KMT2D: variants seen among roughly 807,000 people sequenced by gnomAD.
The protein encoded by KMT2D is histone-lysine N-methyltransferase 2D.
KMT2D carries 55 observed loss-of-function variants against 512.7 expected under a neutral mutation model. That is an observed-to-expected ratio of 0.11 (90% confidence interval 0.09 to 0.13). KMT2D has a LOEUF of 0.13. KMT2D is among the 10% of genes least tolerant of loss of function. KMT2D has a pLI of 1.00. For synonymous variants in KMT2D, 2,995 were observed against 2,904.0 expected, an observed-to-expected ratio of 1.03 and a Z score of -1.01; for missense variants, 6,061 against 7,127.9, an observed-to-expected ratio of 0.85 and a Z score of 5.39.
chr12:49,034,709 A>G (rs1215559071), intron 36 of KMT2D, 43 bp from the exon 37 acceptor site: 7 of 1,606,456 alleles, frequency 4.4e-6, no homozygotes, highest in African/African-American at 1.3e-5. Context: ...TGGCAATAAG[A>G]AAGTTGGAAA....
chr12:49,036,372 C>T (rs551655349), intron 35 of KMT2D, among the ~76,000 whole-genome samples: 3 of 149,242 alleles, frequency 2.0e-5, no homozygotes, highest in Middle Eastern at 3.5e-3. Flanking sequence ...AGTGCAATGG[C>T]GTGATCTCAG....
rs1438792292 is a variant in KMT2D, at chr12:49,052,247, A to C, written c.1436T>G (p.Leu479Arg). 1 of 1,538,862 alleles carries C rather than the reference A, an allele frequency of 6.5e-7. No individual in the cohort carries two copies. Among genetic ancestry groups the C allele is most frequent in the Non-Finnish European group, 8.8e-7 (1 of 1,140,860 alleles). Residue 479 changes from leucine to arginine, a missense_variant, in exon 11 of 55, where the codon CTT (leucine) becomes CGT (arginine). Physicochemically the swap from Leu to Arg is moderately radical, Grantham distance 102. Coordinates refer to ENST00000301067, the MANE Select transcript of KMT2D (RefSeq NM_003482.4). ...PPPEELPASP[L>R]PEALHLSRPL... ...CCGGGACAGGTGCAATGCCTCAGGA[A>C]GTGGGGATGCGGGCAATTCCTCAGG... is the stretch of plus-strand genomic sequence containing the variant.
At position 49,029,117 on chromosome 12, in the gene KMT2D, T is replaced by C. The variant is rs1942756767; in HGVS notation, c.14195A>G (p.Gln4732Arg). ...GACAGGGGAGAGGGCCCGGTCCTCT[T>C]GCTCCCACCGGCCTGAGCCCAGATG... ...FPHLGSGRWE[Q>R]EDRALSPVIP... The change falls in exon 45 of 55, where the codon CAA (glutamine) becomes CGA (arginine). Residue 4732 changes from glutamine to arginine, a missense_variant. Coordinates refer to ENST00000301067, the MANE Select transcript of KMT2D (RefSeq NM_003482.4). The C allele has an allele frequency of 2.5e-6, 4 of 1,612,484 alleles. No homozygotes were observed. The highest frequency in any genetic ancestry group is 2.7e-5 in the African/African-American group (2 of 74,848).
At position 49,019,155 on chromosome 12, in the gene KMT2D, G is replaced by T; in HGVS notation, c.*2625C>A. ...GAGGGAGAGAGGGCGCTTTAAAAAA[G>T]GGAACCATTTCATCCGTTGTTACGA... On this transcript the variant is annotated 3_prime_UTR_variant, in exon 55 of 55. Coordinates refer to ENST00000301067, the MANE Select transcript of KMT2D (RefSeq NM_003482.4). 1 of 1,126,284 alleles carries T rather than the reference G, an allele frequency of 8.9e-7. No homozygotes were observed. The highest frequency in any genetic ancestry group is 1.1e-6 in the Non-Finnish European group (1 of 915,068). The allele number at this position is 1,126,284 out of a possible 1,614,324, so 69.8% of individuals were successfully genotyped here. A position where few individuals can be genotyped will look rare whatever the true frequency, so the allele number is the denominator to read the frequency against.
Position 49,046,867 on chromosome 12 carries a change from T to TG in KMT2D, c.4237-78dup. The TG allele has an allele frequency of 7.2e-7, 1 of 1,385,094 alleles. No homozygotes were observed. Among genetic ancestry groups the TG allele is most frequent in the Non-Finnish European group, 9.8e-7 (1 of 1,020,262 alleles). The allele number at this position is 1,385,094 out of a possible 1,614,324, so 85.8% of individuals were successfully genotyped here. On this transcript the variant is annotated intron_variant, in intron 15 of 54. Transcript: ENST00000301067. The surrounding 1 kb of genome is among the most constrained non-coding windows in gnomAD (Gnocchi z 4.2). Reference sequence around the variant, plus strand: ...ACTTCTTTTTATTTTTTTTTGGAGATGGAGTTTTGCTCTTGTTCCCCAGGC... The same window carrying TG: ...ACTTCTTTTTATTTTTTTTTGGAGATGGGAGTTTTGCTCTTGTTCCCCAGGC...
In KMT2D at chr12:49,040,221, T is replaced by TG. The variant is rs750341925; in HGVS notation, c.7548dup (p.Asn2517GlnfsTer138). 2 of 1,612,600 alleles carry TG rather than the reference T, an allele frequency of 1.2e-6. No homozygotes were observed. On this transcript the variant is annotated frameshift_variant, in exon 32 of 55. Transcript: ENST00000301067. LOFTEE classifies it high-confidence loss of function. ...CCCGTCCCAGGGGACCGGACAAAAT[T>TG]GGGGGGCTGCCCACTTGGGACCTTG...
rs932755579 is a variant in KMT2D at position 49,060,451 on chromosome 12, G to A, written c.-876C>T. Among the ~76,000 whole-genome samples the A allele has an allele frequency of 1.3e-5, 2 of 152,202 alleles. No homozygotes were observed. Among genetic ancestry groups the A allele is most frequent in the African/African-American group, 4.8e-5 (2 of 41,452 alleles). ...GGTGGCACCCCCTCGACCCCCGGCT[G>A]ACTGTGATCGCAGGCGGCCTAGAGG... On this transcript the variant is annotated 5_prime_UTR_variant, in exon 1 of 55. Coordinates refer to ENST00000301067, the MANE Select transcript of KMT2D (RefSeq NM_003482.4).
At chr12:49,027,384 C>T in intron 48 of KMT2D, 62 bp from the exon 49 acceptor site, 1 of 1,373,178 alleles carries the variant, frequency 7.3e-7, no homozygotes, top group Non-Finnish European at 9.8e-7. Context: ...CCCTCCTTCC[C>T]CTCACCCATA....
At position 49,046,796 on chromosome 12, in the gene KMT2D, G is replaced by A. The variant is rs1389060383; in HGVS notation, c.4237-6C>T. ...AGCAGCATCACCTTGGTGATCTGGG[G>A]CAGAAGATGGGAACTTCTCAGGGTG... On this transcript the variant is annotated splice_region_variant and splice_polypyrimidine_tract_variant and intron_variant, in intron 15 of 54. Coordinates refer to ENST00000301067, the MANE Select transcript of KMT2D (RefSeq NM_003482.4). The surrounding 1 kb of genome is among the most constrained non-coding windows in gnomAD (Gnocchi z 4.2). 14 of 1,609,244 alleles carry A rather than the reference G, an allele frequency of 8.7e-6. No individual in the cohort carries two copies. Among genetic ancestry groups the A allele is most frequent in the African/African-American group, 2.7e-5 (2 of 74,846 alleles).
chr12:49,049,421 G>A (rs779313046), intron 12 of KMT2D, among the ~76,000 whole-genome samples: 5 of 152,208 alleles, frequency 3.3e-5, no homozygotes, highest in Admixed American at 6.5e-5. Flanking sequence ...CCCCTCCCAA[G>A]AGTGGTTGAG....
In KMT2D at chr12:49,040,573, G is replaced by A. The variant is rs2120530913; in HGVS notation, c.7197C>T (p.Pro2399=). 1.2e-6 allele frequency: 2 copies of A among 1,613,276 alleles called. No individual in the cohort carries two copies. Among genetic ancestry groups the A allele is most frequent in the Non-Finnish European group, 1.7e-6 (2 of 1,179,508 alleles). Residue 2399 remains proline (P), a synonymous_variant, in exon 32 of 55, where the codon CCC becomes CCT. Coordinates refer to ENST00000301067, the MANE Select transcript of KMT2D (RefSeq NM_003482.4). The stretch of plus-strand genomic sequence containing the variant: ...AAGGGTCGGAGGGCAGTGAGCGAGG[G>A]GGCAGAGCACAGCAGCTCTCAGGGG... ...PPPPESCCAL[P]PRSLPSDPFS...
Position 49,029,288 on chromosome 12 carries a change from CA to C in KMT2D, c.14076-53del, listed in dbSNP as rs1430183585. On this transcript the variant is annotated intron_variant, in intron 44 of 54. Transcript: ENST00000301067. ...GCTACAGCCCTGCAGACTCCCCTCC[CA>C]AATCTAGAGATGAATAGATGTCTTA... 3.1e-6 allele frequency: 5 copies of C among 1,598,044 alleles called. No homozygotes were observed. The East Asian group carries it at 9.0e-5, about 29-fold the overall frequency.
chr12:49,042,693 A>G lies in KMT2D; in HGVS notation c.5782+48T>C, dbSNP rs771217780. On this transcript the variant is annotated intron_variant, in intron 27 of 54. Transcript: ENST00000301067. The surrounding 1 kb of genome is among the most constrained non-coding windows in gnomAD (Gnocchi z 4.4). ...GAAAAGAGCAACTGGCCCATCCTGG[A>G]GGCAAGCTTGGTTATGTCAGTCTTC... 38 of 1,609,126 alleles carry G rather than the reference A, an allele frequency of 2.4e-5. 1 individual carries two copies. The South Asian group carries it at 4.2e-4, about 18-fold the overall frequency.
rs1344075355 is a variant in KMT2D, at chr12:49,022,040, C to T, written c.16521+3G>A. ...GTCACTCAGTCAGGATACTTCCTCT[C>T]ACCTCCTCTCCTTTGGGGATTCGCC... On this transcript the variant is annotated splice_donor_region_variant and intron_variant, in intron 54 of 54. Transcript: ENST00000301067. This position sits in a 1 kb window ranked among gnomAD's most constrained non-coding sequence, Gnocchi z 8.6. 1.9e-6 allele frequency: 3 copies of T among 1,612,350 alleles called. No individual in the cohort carries two copies. Among genetic ancestry groups the T allele is most frequent in the Non-Finnish European group, 1.7e-6 (2 of 1,178,406 alleles).
chr12:49,044,907 C>T lies in KMT2D; in HGVS notation c.4800G>A (p.Leu1600=), dbSNP rs774292195. ...GCAGTGGTGACATGGTCAGGTTACG[C>T]AGCAAGGCCATGCCAGTTTCTGTCA... ...VWLTETGMAL[L]RNLTMSPLHK... Residue 1600 remains leucine, a synonymous_variant, in exon 20 of 55, where the codon CTG becomes CTA. Transcript: ENST00000301067. The surrounding 1 kb of genome is among the most constrained non-coding windows in gnomAD (Gnocchi z 6.4). The T allele has an allele frequency of 1.2e-6, 2 of 1,614,078 alleles. No individual in the cohort carries two copies. The highest frequency in any genetic ancestry group is 1.7e-6 in the Non-Finnish European group (2 of 1,179,906).
At chr12:49,055,107 C>A in intron 2 of KMT2D, 81 bp from the exon 3 acceptor site, 1 of 1,590,224 alleles carries the variant, frequency 6.3e-7, no homozygotes, top group South Asian at 1.1e-5. Flanking sequence ...ATGAGATTAT[C>A]CAAAACCTGA....
At position 49,030,434 on chromosome 12, in the gene KMT2D, G is replaced by T; in HGVS notation, c.13845C>A (p.Asn4615Lys). 1.1e-6 allele frequency: 1 copy of T among 941,972 alleles called. No homozygotes were observed. The highest frequency in any genetic ancestry group is 1.4e-6 in the Non-Finnish European group (1 of 693,950). The allele number at this position is 941,972 out of a possible 1,614,324, so 58.4% of individuals were successfully genotyped here. Residue 4615 changes from asparagine (N) to lysine (K), a missense_variant, in exon 43 of 55, where the codon AAC becomes AAA. Transcript: ENST00000301067. ...DYYSQLLTKN[N>K]LSNPPTPPSS... ...AGGGTGGTGTCGGCGGGTTACTCAG[G>T]TTATTCTGAGGGGTGGGGGGTGGGG...
Position 49,049,136 on chromosome 12 carries a change from T to A in KMT2D, c.3989A>T (p.Lys1330Met), listed in dbSNP as rs1392265993. 6.2e-7 allele frequency: 1 copy of A among 1,611,602 alleles called. No individual in the cohort carries two copies. The highest frequency in any genetic ancestry group is 1.1e-5 in the South Asian group (1 of 90,534). ...AGTCTCAATGGAAGAAGCAGTTGAC[T>A]TTAGCCGGGCCCGTCCTCTACCACG... Reference protein sequence around the residue: ...GGRGRGRARLKSTASSIETLV... With the variant: ...GGRGRGRARLMSTASSIETLV... Residue 1330 changes from lysine to methionine, a missense_variant, in exon 13 of 55, where the codon AAG becomes ATG. By Grantham distance (95) the Lys-to-Met change is moderately conservative. This residue lies in a region of KMT2D where 447 missense variants were observed against 500.1 expected (regional missense o/e 0.89). Coordinates refer to ENST00000301067, the MANE Select transcript of KMT2D (RefSeq NM_003482.4).
At chr12:49,048,791 A>G (rs1937717493) in intron 13 of KMT2D, 22 bp from the exon 14 acceptor site, 2 of 1,493,548 alleles carry the variant, frequency 1.3e-6, no homozygotes, top group East Asian at 2.3e-5. Flanking sequence ...AGAGTTATGG[A>G]AAGTGAGGCA....
Sources: allele counts gnomAD v4.1 joint callset (sites outside exome capture counted in the v4.1 genomes callset), GRCh38; gene constraint gnomAD v4.1.1; regional missense constraint gnomAD v4.1.1; non-coding constraint Gnocchi (gnomAD v3.1); transcripts MANE v1.5; gene names NCBI Gene and HGNC (gene_info 2026-07-23, HGNC 2026-07-21).